GMDS: variants seen among roughly 807,000 people sequenced by gnomAD.
The protein encoded by GMDS is GDP-mannose 4,6 dehydratase.
Under a neutral mutation model 49.9 loss-of-function variants are expected in GMDS, and 20 were observed. The observed-to-expected ratio is 0.40, with a 90% confidence interval of 0.28 to 0.58. The LOEUF is 0.58. Among genes scored for constraint, GMDS ranks in the 20% least tolerant of loss-of-function variants. The pLI, the probability that GMDS is intolerant of heterozygous loss-of-function variation, is 0.42. For missense variants in GMDS, 362 were observed against 481.4 expected, an observed-to-expected ratio of 0.75 and a Z score of 2.32; for synonymous variants, 177 against 178.6, an observed-to-expected ratio of 0.99 and a Z score of 0.07.
rs537174600 is a variant in GMDS, at chr6:1,661,178, C to T, written c.988-36638G>A. ...AGCGCTGTAACTGGCCTGAAGTCTGCGTACAGGCCTCACTGATACCTTTTT... is the reference window on the plus strand; with the variant it reads ...AGCGCTGTAACTGGCCTGAAGTCTGTGTACAGGCCTCACTGATACCTTTTT... On this transcript the variant is annotated intron_variant, in intron 9 of 10. Coordinates refer to ENST00000380815, the MANE Select transcript of GMDS (RefSeq NM_001500.4). Among the ~76,000 whole-genome samples, 27 of 152,214 alleles carry T rather than the reference C, an allele frequency of 1.8e-4. No homozygotes were observed. The East Asian group carries it at 2.1e-3, about 12-fold the overall frequency.
At chr6:1,732,270 T>C (rs185636259) in intron 8 of GMDS, among the ~76,000 whole-genome samples, 2 of 152,296 alleles carry the variant, frequency 1.3e-5, no homozygotes, top group African/African-American at 2.4e-5. Flanking sequence ...GAGGTTGCAG[T>C]GAGCCCAGAT....
chr6:1,740,500 T>C (rs1005705776), intron 8 of GMDS, among the ~76,000 whole-genome samples: 1 of 149,186 alleles, frequency 6.7e-6, no homozygotes, highest in African/African-American at 2.5e-5. Flanking sequence ...GAGGTTGTAG[T>C]GAGCCAAGAT....
At position 2,158,541 on chromosome 6, in the gene GMDS, A is replaced by G. The variant is rs115236412; in HGVS notation, c.103-33810T>C. On this transcript the variant is annotated intron_variant, in intron 1 of 10. Transcript: ENST00000380815. ...TCCCCATCAGTTAAATGGAAGTGATAATGTTTCAGAAGACATCAAAATAGG... is the reference window on the plus strand; with the variant it reads ...TCCCCATCAGTTAAATGGAAGTGATGATGTTTCAGAAGACATCAAAATAGG... Among the ~76,000 whole-genome samples, 390 of 152,354 alleles carry G rather than the reference A, an allele frequency of 2.6e-3. 1 individual carries two copies. Among genetic ancestry groups the G allele is most frequent in the Middle Eastern group, 0.014 (4 of 294 alleles).
At chr6:2,177,956 TA>T (rs1251078449) in intron 1 of GMDS, among the ~76,000 whole-genome samples, 3 of 152,120 alleles carry the variant, frequency 2.0e-5, no homozygotes, top group African/African-American at 7.2e-5. Flanking sequence ...TATTCAGCCA[TA>T]AAAAAGAACA....
intron 9 of GMDS, chr6:1,626,227 C>T (rs1201275079): frequency 6.6e-6 from 1 of 152,234 alleles, no homozygotes; most frequent in Non-Finnish European, 1.5e-5. Flanking sequence ...CGCTGTCGTT[C>T]TCATCATCCA....
chr6:1,628,187 C>G (rs1762900568), intron 9 of GMDS, among the ~76,000 whole-genome samples: 1 of 152,186 alleles, frequency 6.6e-6, no homozygotes, highest in African/African-American at 2.4e-5. Flanking sequence ...TGATAAAGCG[C>G]CAGACCAAAT....
intron 7 of GMDS, among the ~76,000 whole-genome samples, chr6:1,896,461 A>G (rs1157940536): frequency 6.6e-6 from 1 of 152,222 alleles, no homozygotes; most frequent in Non-Finnish European, 1.5e-5. Flanking sequence ...ACTAGAGTGG[A>G]CAAATGGGCA....
chr6:1,961,908 C>G (rs1003484307), intron 4 of GMDS, among the ~76,000 whole-genome samples: 3 of 152,180 alleles, frequency 2.0e-5, no homozygotes, highest in African/African-American at 7.2e-5. Context: ...AACTGCTCAC[C>G]AGGGACCCTA....
chr6:1,772,422 A>G (rs1561794390), intron 7 of GMDS, among the ~76,000 whole-genome samples: 1 of 152,248 alleles, frequency 6.6e-6, no homozygotes, highest in Non-Finnish European at 1.5e-5. Flanking sequence ...CATAAAGAGA[A>G]AAGGCAAGTT....
intron 1 of GMDS, among the ~76,000 whole-genome samples, chr6:2,232,100 GT>G (rs1252726868): frequency 6.6e-6 from 1 of 151,864 alleles, no homozygotes; most frequent in East Asian, 1.9e-4. Context: ...ATATAATTTG[GT>G]GAGTGTTCTT....
chr6:1,715,451 G>A (rs1340194162), intron 9 of GMDS, among the ~76,000 whole-genome samples: 1 of 152,164 alleles, frequency 6.6e-6, no homozygotes, highest in Non-Finnish European at 1.5e-5. Flanking sequence ...CGTCTTCAAG[G>A]CCCTCCGATG....
intron 7 of GMDS, among the ~76,000 whole-genome samples, chr6:1,834,282 G>A (rs576114697): frequency 2.6e-5 from 4 of 152,082 alleles, no homozygotes; most frequent in Admixed American, 2.6e-4. Flanking sequence ...TCAGTGGTGG[G>A]GGAAAAATGC....
At chr6:2,157,930 TAA>T (rs1185450476) in intron 1 of GMDS, among the ~76,000 whole-genome samples, 1 of 152,214 alleles carries the variant, frequency 6.6e-6, no homozygotes, top group African/African-American at 2.4e-5. Flanking sequence ...CCTGAGTATC[TAA>T]GAGAGACATC....
intron 1 of GMDS, among the ~76,000 whole-genome samples, chr6:2,134,796 GA>G (rs1274967352): frequency 6.6e-6 from 1 of 152,128 alleles, no homozygotes; most frequent in Non-Finnish European, 1.5e-5. Flanking sequence ...ACTTTCTATA[GA>G]CATAGTTTGC....
At chr6:2,224,586 C>T (rs989780724) in intron 1 of GMDS, among the ~76,000 whole-genome samples, 11 of 151,920 alleles carry the variant, frequency 7.2e-5, no homozygotes, top group Non-Finnish European at 1.5e-4. Context: ...GTTATAGGAG[C>T]GAAGATCAGT....
At chr6:1,909,954 G>A (rs1238169647) in intron 7 of GMDS, among the ~76,000 whole-genome samples, 3 of 152,148 alleles carry the variant, frequency 2.0e-5, no homozygotes, top group Non-Finnish European at 2.9e-5. Flanking sequence ...AAGATCCAGA[G>A]GCCTGAACTG....
At chr6:1,719,326 G>A (rs1407547533) in intron 9 of GMDS, among the ~76,000 whole-genome samples, 1 of 152,070 alleles carries the variant, frequency 6.6e-6, no homozygotes, top group Non-Finnish European at 1.5e-5. Flanking sequence ...GTGGGAGAAG[G>A]CATGCAGGGT....
chr6:1,933,244 A>G (rs891077201), intron 6 of GMDS, among the ~76,000 whole-genome samples: 5 of 152,174 alleles, frequency 3.3e-5, no homozygotes, highest in African/African-American at 9.6e-5. Context: ...ATAATATTCT[A>G]TTATATGTAT....
At chr6:1,693,300 C>T (rs1444033873) in intron 9 of GMDS, among the ~76,000 whole-genome samples, 1 of 152,218 alleles carries the variant, frequency 6.6e-6, no homozygotes, top group African/African-American at 2.4e-5. Context: ...CCTGACTGCT[C>T]CAGGGGCACC....
Sources: gnomAD v4.1 joint callset for allele counts (sites outside exome capture counted in the v4.1 genomes callset) on GRCh38, gnomAD v4.1.1 for gene constraint, MANE v1.5 for transcripts, NCBI Gene and HGNC (gene_info 2026-07-23, HGNC 2026-07-21) for gene names.